Variants in HPD observed in about 807,000 individuals in gnomAD.
HPD encodes the protein 4-hydroxyphenylpyruvate dioxygenase.
In HPD, 35 loss-of-function variants were observed where a neutral mutation model predicts 56.9. The ratio of observed to expected loss-of-function variants is 0.62; its 90% CI spans 0.47 to 0.82. The LOEUF (loss-of-function observed/expected upper bound fraction) is 0.82. HPD is among the 40% of genes least tolerant of loss of function. The pLI is 0.00. For missense variants in HPD, 442 were observed against 506.8 expected (o/e 0.87, Z 1.23); for synonymous variants, 186 against 200.2 (o/e 0.93, Z 0.60).
chr12:121,854,846 C>T, intron 6 of HPD, 54 bp from the exon 7 acceptor site: 1 of 1,379,360 alleles, frequency 7.2e-7, no homozygotes. Flanking sequence ...TTCCAGAACC[C>T]TTGCCTGCTG....
At chr12:121,843,525 C>A (rs1877473953) in intron 12 of HPD, among the ~76,000 whole-genome samples, 185 bp downstream of exon 12, 1 of 152,228 alleles carries the variant, frequency 6.6e-6, no homozygotes, top group Non-Finnish European at 1.5e-5. Context: ...CTATCTCTGA[C>A]CGTGCTTTTA....
chr12:121,884,287 C>A, the HPD span, among the ~76,000 whole-genome samples: 1 of 151,718 alleles, frequency 6.6e-6, no homozygotes, highest in East Asian at 1.9e-4. Flanking sequence ...CTCAGCCTCC[C>A]AAGTAGCTGG....
intron 11 of HPD, 29 bp downstream of exon 11, chr12:121,846,833 G>C: frequency 6.2e-7 from 1 of 1,608,728 alleles, no homozygotes; most frequent in South Asian, 1.1e-5. Context: ...GAATGAGAGA[G>C]GAATTCGGAC....
chr12:121,851,122 A>G (rs1357425732), intron 7 of HPD, among the ~76,000 whole-genome samples: 1 of 151,226 alleles, frequency 6.6e-6, no homozygotes, highest in African/African-American at 2.4e-5. Flanking sequence ...TTGGCCTTCC[A>G]AAGTGCTGGG....
At chr12:121,850,143 C>T (rs1295493829) in intron 7 of HPD, among the ~76,000 whole-genome samples, 2 of 151,992 alleles carry the variant, frequency 1.3e-5, no homozygotes, top group East Asian at 3.9e-4. Flanking sequence ...GAAGAGCAGC[C>T]TGGCGCGGTG....
At chr12:121,857,915 G>T in intron 2 of HPD, 96 bp from the exon 3 acceptor site, 1 of 910,106 alleles carries the variant, frequency 1.1e-6, no homozygotes, top group Non-Finnish European at 1.8e-6. Flanking sequence ...CCTTATTCCA[G>T]CCTCAACCAC....
At chr12:121,873,746 G>A in the HPD span, among the ~76,000 whole-genome samples, 1 of 152,140 alleles carries the variant, frequency 6.6e-6, no homozygotes, top group Non-Finnish European at 1.5e-5. Flanking sequence ...CGTGAACCCG[G>A]GAGGTGGAGC....
chr12:121,875,659 C>T, the HPD span, among the ~76,000 whole-genome samples: 1 of 152,062 alleles, frequency 6.6e-6, no homozygotes, highest in Non-Finnish European at 1.5e-5. Context: ...CTCTTGGGCT[C>T]AAGTACACTG....
At chr12:121,857,680 C>A in intron 3 of HPD, 77 bp downstream of exon 3, 2 of 1,285,800 alleles carry the variant, frequency 1.6e-6, no homozygotes, top group South Asian at 1.2e-5. Flanking sequence ...ATCACAGACC[C>A]TGCTGGAGGC....
chr12:121,882,002 G>A, the HPD span, among the ~76,000 whole-genome samples: 1 of 151,346 alleles, frequency 6.6e-6, no homozygotes, highest in Non-Finnish European at 1.5e-5. Context: ...GGCTGGTCTT[G>A]AACTCCTGAC....
the HPD span, among the ~76,000 whole-genome samples, chr12:121,887,298 TG>T: frequency 6.6e-6 from 1 of 151,884 alleles, no homozygotes; most frequent in African/African-American, 2.4e-5. Context: ...GGGATCCTCC[TG>T]CCTTGATCTC....
At chr12:121,840,161 G>A (rs986318321) in intron 12 of HPD, 113 bp from the exon 13 acceptor site, 2 of 773,982 alleles carry the variant, frequency 2.6e-6, no homozygotes, top group African/African-American at 3.4e-5. Flanking sequence ...TTTTCTGGCA[G>A]TTCAGCCACC....
chr12:121,873,637 T>A, the HPD span, among the ~76,000 whole-genome samples: 7 of 151,842 alleles, frequency 4.6e-5, no homozygotes, highest in Non-Finnish European at 1.0e-4. Context: ...GATAACACCA[T>A]GAAACCCCAT....
At chr12:121,883,449 G>C in the HPD span, among the ~76,000 whole-genome samples, 1 of 151,934 alleles carries the variant, frequency 6.6e-6, no homozygotes. Flanking sequence ...GGTAGGAGTA[G>C]AGGTGGAGGA....
chr12:121,846,212 T>C (rs1005348380), intron 11 of HPD, among the ~76,000 whole-genome samples: 4 of 152,190 alleles, frequency 2.6e-5, no homozygotes, highest in East Asian at 1.9e-4. Context: ...ATTTCCTTTA[T>C]TAATTACTAT....
At position 121,843,743 on chromosome 12, in the gene HPD, C is replaced by G; in HGVS notation, c.921G>C (p.Lys307Asn). The G allele has an allele frequency of 6.2e-7, 1 of 1,614,136 alleles. No individual in the cohort carries two copies. The highest frequency in any genetic ancestry group is 8.5e-7 in the Non-Finnish European group (1 of 1,180,016). ...CATCAATGTTCTCCTTCACCTTGAT[C>G]TTGGCCGTCTTCAGCTTCTCCCGCA... ...KQLREKLKTA[K>N]IKVKENIDAL... The change falls in exon 12 of 14, where the codon AAG (lysine) becomes AAC (asparagine). Residue 307 changes from lysine (K) to asparagine (N), a missense_variant. Lys to Asn is a moderately conservative substitution (Grantham distance 94). Coordinates refer to ENST00000289004, the MANE Select transcript of HPD (RefSeq NM_002150.3).
At chr12:121,860,752 T>C (rs1878152641), upstream of HPD, among the ~76,000 whole-genome samples, 1 of 152,178 alleles carries the variant, frequency 6.6e-6, no homozygotes, top group Non-Finnish European at 1.5e-5. Flanking sequence ...AGAAAAGCAT[T>C]CACCTAGCTG....
chr12:121,869,711 G>A, the HPD span, among the ~76,000 whole-genome samples: 1 of 151,402 alleles, frequency 6.6e-6, no homozygotes, highest in South Asian at 2.1e-4. Flanking sequence ...TTTTAGTAGA[G>A]ACAGGGTTTC....
chr12:121,868,372 C>T (rs1412719445), upstream of HPD, among the ~76,000 whole-genome samples: 1 of 151,968 alleles, frequency 6.6e-6, no homozygotes, highest in Non-Finnish European at 1.5e-5. Context: ...GAGACGGAGT[C>T]TTGCACTGTT....
Sources: allele counts gnomAD v4.1 joint callset (sites outside exome capture counted in the v4.1 genomes callset), GRCh38; gene constraint gnomAD v4.1.1; transcripts MANE v1.5; gene names NCBI Gene and HGNC (gene_info 2026-07-23, HGNC 2026-07-21).